NFATC3: variants seen among roughly 807,000 people sequenced by gnomAD.
NFATC3 encodes the protein nuclear factor of activated T-cells, cytoplasmic 3.
Under a neutral mutation model 98.6 loss-of-function variants are expected in NFATC3, and 46 were observed. The observed-to-expected ratio is 0.47, with a 90% CI of 0.37 to 0.60. The LOEUF (loss-of-function observed/expected upper bound fraction) is 0.60, where lower values mean the gene tolerates loss of function less well. Among genes scored for constraint, NFATC3 ranks in the 20% least tolerant of loss-of-function variants. NFATC3 has a pLI of 0.00. For synonymous variants in NFATC3, 512 were observed against 472.2 expected, an observed-to-expected ratio of 1.08 and a Z score of -1.09; for missense variants, 1,256 against 1,295.5, an observed-to-expected ratio of 0.97 and a Z score of 0.47.
intron 5 of NFATC3, among the ~76,000 whole-genome samples, chr16:68,172,155 G>T (rs1276306053): frequency 6.6e-6 from 1 of 152,162 alleles, no homozygotes; most frequent in Non-Finnish European, 1.5e-5. Flanking sequence ...TTCTATGAAA[G>T]AATTGATTAT....
chr16:68,105,313 A>T (rs2035595346), intron 1 of NFATC3, among the ~76,000 whole-genome samples: 3 of 150,664 alleles, frequency 2.0e-5, no homozygotes, highest in African/African-American at 4.9e-5. Flanking sequence ...CTGGTCTCGA[A>T]CTCCTGACCT....
intron 1 of NFATC3, among the ~76,000 whole-genome samples, chr16:68,112,458 A>G (rs1222031682): frequency 2.7e-5 from 4 of 150,112 alleles, no homozygotes; most frequent in Non-Finnish European, 5.9e-5. Flanking sequence ...TTGTATTTTT[A>G]GTAGAGATGG....
At chr16:68,110,504 C>T (rs549760970) in intron 1 of NFATC3, among the ~76,000 whole-genome samples, 6 of 151,302 alleles carry the variant, frequency 4.0e-5, no homozygotes, top group South Asian at 2.1e-4. Flanking sequence ...TTAGTAGAGA[C>T]GGGGTTTCAT....
intron 3 of NFATC3, among the ~76,000 whole-genome samples, chr16:68,132,771 A>T (rs903522660): frequency 3.9e-5 from 6 of 152,240 alleles, no homozygotes; most frequent in Non-Finnish European, 7.3e-5. Context: ...AGGCACAGAA[A>T]GATAAATACT....
chr16:68,211,106 A>G (rs1488152592), intron 9 of NFATC3, among the ~76,000 whole-genome samples: 1 of 151,858 alleles, frequency 6.6e-6, no homozygotes, highest in African/African-American at 2.4e-5. Context: ...TTTGTGTCAG[A>G]GTAAATTCTG....
intron 9 of NFATC3, among the ~76,000 whole-genome samples, chr16:68,197,566 A>T (rs1303408421): frequency 1.3e-5 from 2 of 152,236 alleles, no homozygotes; most frequent in Non-Finnish European, 2.9e-5. Flanking sequence ...TAGCGTGGAC[A>T]ACATAGCAAG....
At chr16:68,214,449 A>G (rs2041551141) in intron 9 of NFATC3, 3 of 1,606,436 alleles carry the variant, frequency 1.9e-6, no homozygotes, top group Non-Finnish European at 2.6e-6. Flanking sequence ...GTTGATTGAA[A>G]TGTGTCATTG....
chr16:68,193,446 C>G (rs1275118881), intron 9 of NFATC3, among the ~76,000 whole-genome samples: 1 of 152,124 alleles, frequency 6.6e-6, no homozygotes, highest in Non-Finnish European at 1.5e-5. Context: ...AGGAGGATTA[C>G]TTGAGACTAG....
In NFATC3 at chr16:68,138,511, G is replaced by C. The variant is rs533616044; in HGVS notation, c.1401+11901G>C. 7.1e-6 allele frequency: 9 copies of C among 1,274,490 alleles called. No individual in the cohort carries two copies. In the Admixed American group the frequency reaches 1.0e-4, roughly 14 times the overall value. The allele number at this position is 1,274,490 out of a possible 1,614,324, so 78.9% of individuals were successfully genotyped here. On this transcript the variant is annotated intron_variant, in intron 3 of 9. Coordinates refer to ENST00000346183, the MANE Select transcript of NFATC3 (RefSeq NM_173165.3). The stretch of plus-strand genomic sequence containing the variant: ...CATTTTCTTTCAAATTGTTGCTCAG[G>C]AATCCAAGATACGTTCATCTTTTGA...
At chr16:68,119,401 G>A (rs1040393990) in intron 1 of NFATC3, among the ~76,000 whole-genome samples, 3 of 152,148 alleles carry the variant, frequency 2.0e-5, no homozygotes, top group African/African-American at 7.2e-5. Context: ...ATCAAATGAT[G>A]ATACTTTTCT....
intron 3 of NFATC3, among the ~76,000 whole-genome samples, chr16:68,137,767 C>A (rs2037511649): frequency 6.6e-6 from 1 of 151,862 alleles, no homozygotes; most frequent in African/African-American, 2.4e-5. Flanking sequence ...GTGCCCGCCA[C>A]CACGCCCAGC....
intron 1 of NFATC3, among the ~76,000 whole-genome samples, chr16:68,113,732 C>A (rs1027358436): frequency 3.9e-5 from 6 of 152,230 alleles, no homozygotes; most frequent in Admixed American, 2.0e-4. Flanking sequence ...GAGGCTCCTT[C>A]CCAGGGATAT....
chr16:68,156,262 C>T (rs1057293192), intron 3 of NFATC3, among the ~76,000 whole-genome samples: 8 of 152,140 alleles, frequency 5.3e-5, no homozygotes, highest in African/African-American at 7.2e-5. Context: ...TTGCAGTGGG[C>T]TGAGATCGTG....
At chr16:68,115,373 C>G (rs1214985450) in intron 1 of NFATC3, among the ~76,000 whole-genome samples, 1 of 152,114 alleles carries the variant, frequency 6.6e-6, no homozygotes, top group East Asian at 1.9e-4. Context: ...CAGTAAATGA[C>G]TTTCTTTACT....
intron 9 of NFATC3, among the ~76,000 whole-genome samples, chr16:68,210,732 G>T (rs1182403910): frequency 6.6e-6 from 1 of 152,006 alleles, no homozygotes; most frequent in Non-Finnish European, 1.5e-5. Context: ...TTGTGTTAGT[G>T]TTTTGTTGAT....
intron 6 of NFATC3, among the ~76,000 whole-genome samples, chr16:68,181,053 A>G (rs2039928612): frequency 6.6e-6 from 1 of 152,216 alleles, no homozygotes; most frequent in African/African-American, 2.4e-5. Context: ...TGGTATTTCT[A>G]GTTCTAGATC....
At position 68,152,673 on chromosome 16, in the gene NFATC3, G is replaced by A. The variant is rs368272035; in HGVS notation, c.1402-5196G>A. 1.6e-3 allele frequency among the ~76,000 whole-genome samples: 242 copies of A among 152,222 alleles called. 2 individuals carry two copies. The highest frequency in any genetic ancestry group is 5.1e-3 in the African/African-American group (212 of 41,536). ...TGGGACTACAGGTGCATGCCTTCAC[G>A]TCTGGCTCTACCTGTTTTTGTACAG... On this transcript the variant is annotated intron_variant, in intron 3 of 9. Coordinates refer to ENST00000346183, the MANE Select transcript of NFATC3 (RefSeq NM_173165.3).
At chr16:68,113,374 G>C (rs1266446140) in intron 1 of NFATC3, among the ~76,000 whole-genome samples, 1 of 152,166 alleles carries the variant, frequency 6.6e-6, no homozygotes, top group Non-Finnish European at 1.5e-5. Flanking sequence ...TTTACTAGGG[G>C]ACCACTCCTG....
rs199789472 is a variant in NFATC3 at position 68,094,422 on chromosome 16, C to CAA, written c.103+8650_103+8651dup. 3.9e-3 allele frequency among the ~76,000 whole-genome samples: 537 copies of CAA among 135,988 alleles called. 6 individuals carry two copies. The highest frequency in any genetic ancestry group is 0.013 in the African/African-American group (491 of 36,946). The allele number at this position is 135,988 out of a possible 152,430, so 89.2% of individuals were successfully genotyped here. On this transcript the variant is annotated intron_variant, in intron 1 of 9. Transcript: ENST00000346183. ...GGTTAACATTTTGCTTTCACATGTT[C>CAA]AAAAAAAAAAAAATGAGTACTATTT...
Sources: gnomAD v4.1 joint callset for allele counts (sites outside exome capture counted in the v4.1 genomes callset) on GRCh38, gnomAD v4.1.1 for gene constraint, MANE v1.5 for transcripts, NCBI Gene and HGNC (gene_info 2026-07-23, HGNC 2026-07-21) for gene names.